The following CYP7B1 variants were observed in gnomAD, a reference collection of about 807,000 sequenced individuals.
The protein encoded by CYP7B1 is cytochrome P450 family 7 subfamily B member 1.
In CYP7B1, 29 loss-of-function variants were observed where a neutral mutation model predicts 42.7. That is an observed-to-expected ratio of 0.68 (90% confidence interval 0.51 to 0.93). CYP7B1 has a LOEUF of 0.93. Ranked by LOEUF, CYP7B1 falls within the 40% of genes least tolerant of loss-of-function variation. CYP7B1 has a pLI of 0.00. For missense variants in CYP7B1, 655 were observed against 600.5 expected (o/e 1.09, Z -0.95); for synonymous variants, 235 against 218.2 (o/e 1.08, Z -0.68).
At chr8:64,653,516 C>A (rs748519250) in intron 1 of CYP7B1, among the ~76,000 whole-genome samples, 2 of 152,130 alleles carry the variant, frequency 1.3e-5, no homozygotes, top group African/African-American at 4.8e-5. Flanking sequence ...AAATAGCCTA[C>A]CAACCAAAAA....
intron 1 of CYP7B1, among the ~76,000 whole-genome samples, chr8:64,783,817 G>C (rs1257109941): frequency 6.6e-6 from 1 of 152,100 alleles, no homozygotes; most frequent in African/African-American, 2.4e-5. Flanking sequence ...AAGTCACAAA[G>C]AGACAAATGC....
chr8:64,636,241 G>T (rs1307896602), intron 1 of CYP7B1, among the ~76,000 whole-genome samples: 1 of 152,146 alleles, frequency 6.6e-6, no homozygotes, highest in Non-Finnish European at 1.5e-5. Flanking sequence ...CGAGGGTGCT[G>T]TAGTCTCACT....
intron 1 of CYP7B1, among the ~76,000 whole-genome samples, chr8:64,645,931 A>G (rs868509382): frequency 1.7e-4 from 26 of 152,138 alleles, no homozygotes; most frequent in African/African-American, 5.3e-4. Context: ...AAACCTGAGG[A>G]AAAAAAAGCA....
At chr8:64,588,812 C>A (rs1473762262), downstream of CYP7B1, among the ~76,000 whole-genome samples, 1 of 152,180 alleles carries the variant, frequency 6.6e-6, no homozygotes, top group Non-Finnish European at 1.5e-5. Flanking sequence ...TCGGTGCTCT[C>A]CATCTAAGAT....
At chr8:64,677,301 T>A (rs1357143247) in intron 1 of CYP7B1, among the ~76,000 whole-genome samples, 1 of 151,880 alleles carries the variant, frequency 6.6e-6, no homozygotes, top group East Asian at 1.9e-4. Flanking sequence ...CCTAAACCTT[T>A]TAAAGCCAAC....
chr8:64,650,471 G>C (rs902620713), intron 1 of CYP7B1, among the ~76,000 whole-genome samples: 1 of 151,884 alleles, frequency 6.6e-6, no homozygotes, highest in Non-Finnish European at 1.5e-5. Context: ...AAAATGATGA[G>C]ACCCCGTCTC....
chr8:64,647,500 G>A (rs1193169051), intron 1 of CYP7B1, among the ~76,000 whole-genome samples: 1 of 152,140 alleles, frequency 6.6e-6, no homozygotes, highest in Non-Finnish European at 1.5e-5. Context: ...TATTTATTAT[G>A]AGGAATTGCC....
At chr8:64,713,324 T>C (rs1228362346) in intron 1 of CYP7B1, among the ~76,000 whole-genome samples, 1 of 151,456 alleles carries the variant, frequency 6.6e-6, no homozygotes, top group East Asian at 1.9e-4. Context: ...ATGTCCAGGA[T>C]GCAATAAAAA....
At chr8:64,714,323 C>T (rs995961586) in intron 1 of CYP7B1, among the ~76,000 whole-genome samples, 10 of 152,130 alleles carry the variant, frequency 6.6e-5, no homozygotes, top group Admixed American at 6.5e-5. Flanking sequence ...AGAATAATAT[C>T]AATAAATGTG....
chr8:64,782,520 C>T (rs1190298261), intron 1 of CYP7B1, among the ~76,000 whole-genome samples: 1 of 152,174 alleles, frequency 6.6e-6, no homozygotes, highest in Non-Finnish European at 1.5e-5. Context: ...TTCGATCTTT[C>T]TAATCCTCCC....
At chr8:64,784,402 G>A (rs1804486760) in intron 1 of CYP7B1, among the ~76,000 whole-genome samples, 1 of 152,098 alleles carries the variant, frequency 6.6e-6, no homozygotes, top group Admixed American at 6.5e-5. Flanking sequence ...ATATTTTTCA[G>A]TATCCTTTTT....
chr8:64,700,221 C>T (rs537456755), intron 1 of CYP7B1, among the ~76,000 whole-genome samples: 1 of 152,224 alleles, frequency 6.6e-6, no homozygotes, highest in East Asian at 1.9e-4. Flanking sequence ...CCGGCCCTAA[C>T]ACAGCAACAC....
intron 1 of CYP7B1, chr8:64,734,587 G>C (rs75665689): frequency 6.6e-6 from 1 of 152,124 alleles, no homozygotes; most frequent in Non-Finnish European, 1.5e-5. Context: ...TGTTGCATTG[G>C]TGATTATAAG....
chr8:64,730,651 A>G (rs1279239407), intron 1 of CYP7B1, among the ~76,000 whole-genome samples: 1 of 152,098 alleles, frequency 6.6e-6, no homozygotes, highest in East Asian at 1.9e-4. Context: ...CAATGTGGTA[A>G]CTAAAATTTG....
At chr8:64,752,813 T>C (rs552803985) in intron 1 of CYP7B1, among the ~76,000 whole-genome samples, 1 of 152,324 alleles carries the variant, frequency 6.6e-6, no homozygotes, top group South Asian at 2.1e-4. Flanking sequence ...GAAAGTGCAA[T>C]CTGAGAAACT....
intron 1 of CYP7B1, among the ~76,000 whole-genome samples, chr8:64,711,689 G>A (rs911115502): frequency 1.3e-5 from 2 of 151,970 alleles, no homozygotes; most frequent in African/African-American, 2.4e-5. Context: ...CCCTTGTGGG[G>A]GTTATTTTAA....
intron 1 of CYP7B1, among the ~76,000 whole-genome samples, chr8:64,687,051 G>A (rs1188955320): frequency 1.4e-5 from 2 of 145,412 alleles, no homozygotes. Flanking sequence ...TTGTTTATCT[G>A]CTGACCTTCC....
intron 1 of CYP7B1, among the ~76,000 whole-genome samples, chr8:64,705,586 A>AT (rs11359008): frequency 6.6e-6 from 1 of 151,522 alleles, no homozygotes; most frequent in South Asian, 2.1e-4. Flanking sequence ...TTTTTATAAG[A>AT]TTTTTTGGGG....
rs189326668 is a variant in CYP7B1 at position 64,637,411 on chromosome 8, G to C, written c.123-12872C>G. On this transcript the variant is annotated intron_variant, in intron 1 of 5. Coordinates refer to ENST00000310193, the MANE Select transcript of CYP7B1 (RefSeq NM_004820.5). ...CTACACAGCACACGGTGCTGAGAAG[G>C]GCAGTGTTTTGGTGTTGTCATGAGC... is the stretch of plus-strand genomic sequence containing the variant. Among the ~76,000 whole-genome samples, 6 of 152,240 alleles carry C rather than the reference G, an allele frequency of 3.9e-5. No individual in the cohort carries two copies. In the East Asian group the frequency reaches 1.2e-3, roughly 29 times the overall value.
Sources: allele counts gnomAD v4.1 joint callset (sites outside exome capture counted in the v4.1 genomes callset), GRCh38; gene constraint gnomAD v4.1.1; transcripts MANE v1.5; gene names NCBI Gene and HGNC (gene_info 2026-07-23, HGNC 2026-07-21).